Variants in PHLDB2 observed in about 807,000 individuals in gnomAD.
The protein encoded by PHLDB2 is pleckstrin homology-like domain family B member 2.
A neutral mutation model predicts 123.6 loss-of-function variants in PHLDB2; 71 were observed. The observed-to-expected ratio is 0.57, with a 90% CI of 0.47 to 0.70. PHLDB2 has a LOEUF of 0.70. PHLDB2 is among the 30% of genes least tolerant of loss of function. The pLI, the probability that PHLDB2 is intolerant of heterozygous loss-of-function variation, is 0.00. For synonymous variants in PHLDB2, 547 were observed against 541.6 expected (o/e 1.01, Z -0.14); for missense variants, 1,446 against 1,519.5 (o/e 0.95, Z 0.80).
chr3:111,766,429 G>C (rs1263914492), intron 1 of PHLDB2, among the ~76,000 whole-genome samples: 1 of 135,720 alleles, frequency 7.4e-6, no homozygotes, highest in Non-Finnish European at 1.5e-5. Context: ...GGGCGACAGA[G>C]TGAGACTCTG....
chr3:111,935,093 ATTTT>A (rs34291565), intron 6 of PHLDB2, among the ~76,000 whole-genome samples: 2 of 75,200 alleles, frequency 2.7e-5, no homozygotes, highest in African/African-American at 5.0e-5. Context: ...TGGTATCTTG[ATTTT>A]TTTTTTTTTT....
At chr3:111,828,382 T>C (rs2108453687) in intron 1 of PHLDB2, among the ~76,000 whole-genome samples, 1 of 152,372 alleles carries the variant, frequency 6.6e-6, no homozygotes, top group East Asian at 1.9e-4. Context: ...TATCTGTCAA[T>C]GGATCATCTT....
chr3:111,972,431 T>G (rs2072262616), intron 16 of PHLDB2, among the ~76,000 whole-genome samples: 1 of 152,180 alleles, frequency 6.6e-6, no homozygotes, highest in Non-Finnish European at 1.5e-5. Flanking sequence ...TAGCTTTTTG[T>G]AGTTAAAAAG....
At chr3:111,814,077 A>G (rs1462181077) in intron 1 of PHLDB2, among the ~76,000 whole-genome samples, 1 of 152,216 alleles carries the variant, frequency 6.6e-6, no homozygotes, top group Non-Finnish European at 1.5e-5. Flanking sequence ...CTGTAAGGAC[A>G]TGGTCCAAAA....
intron 16 of PHLDB2, among the ~76,000 whole-genome samples, chr3:111,972,678 G>T (rs1054600405): frequency 6.6e-6 from 1 of 151,552 alleles, no homozygotes; most frequent in Non-Finnish European, 1.5e-5. Flanking sequence ...TATTTCAAGG[G>T]TTTTTTCCTT....
At chr3:111,938,344 C>T (rs555965969) in intron 6 of PHLDB2, among the ~76,000 whole-genome samples, 1 of 152,230 alleles carries the variant, frequency 6.6e-6, no homozygotes, top group Non-Finnish European at 1.5e-5. Flanking sequence ...GTTACAATTG[C>T]TAAACCTCCA....
At chr3:111,887,601 T>C (rs79327038) in intron 2 of PHLDB2, among the ~76,000 whole-genome samples, 1 of 152,270 alleles carries the variant, frequency 6.6e-6, no homozygotes, top group African/African-American at 2.4e-5. Context: ...GCAGTATGAA[T>C]GCCAAAGGGT....
chr3:111,797,068 T>C (rs1188465898), intron 1 of PHLDB2, among the ~76,000 whole-genome samples: 3 of 152,226 alleles, frequency 2.0e-5, no homozygotes, highest in Non-Finnish European at 4.4e-5. Flanking sequence ...CTTCTGGTCA[T>C]GCCTCATGTC....
intron 5 of PHLDB2, among the ~76,000 whole-genome samples, chr3:111,930,670 A>G (rs1188641895): frequency 6.6e-6 from 1 of 152,234 alleles, no homozygotes; most frequent in African/African-American, 2.4e-5. Flanking sequence ...TATTCAGTTT[A>G]ACTATGGATT....
Position 111,885,072 on chromosome 3 carries a change from C to T in PHLDB2, c.995C>T (p.Pro332Leu), listed in dbSNP as rs751125365. The change falls in exon 2 of 18, where the codon CCT (proline) becomes CTT (leucine). Residue 332 changes from proline (P) to leucine (L), a missense_variant. Transcript: ENST00000431670. ...TATGTAAGTTCTACCCTCAGTGTCCCTGCCAGTCCACGAGTGGCTCGGAAG... is the reference window on the plus strand; with the variant it reads ...TATGTAAGTTCTACCCTCAGTGTCCTTGCCAGTCCACGAGTGGCTCGGAAG... ...NPYVSSTLSV[P>L]ASPRVARKML... The T allele has an allele frequency of 6.2e-7, 1 of 1,614,196 alleles. No individual in the cohort carries two copies. Among genetic ancestry groups the T allele is most frequent in the Non-Finnish European group, 8.5e-7 (1 of 1,180,032 alleles).
At chr3:111,959,235 A>G (rs1258526454) in intron 12 of PHLDB2, among the ~76,000 whole-genome samples, 3 of 152,256 alleles carry the variant, frequency 2.0e-5, no homozygotes, top group Non-Finnish European at 2.9e-5. Context: ...CAATTGCAGG[A>G]TCACAGGAGA....
intron 1 of PHLDB2, among the ~76,000 whole-genome samples, chr3:111,874,334 T>C (rs911046724): frequency 6.6e-6 from 1 of 152,214 alleles, no homozygotes; most frequent in Admixed American, 6.5e-5. Flanking sequence ...AATGTGTTTT[T>C]CCCTTTGTAC....
chr3:111,737,351 G>C (rs773293814), intron 1 of PHLDB2, among the ~76,000 whole-genome samples: 2 of 152,060 alleles, frequency 1.3e-5, no homozygotes, highest in African/African-American at 2.4e-5. Flanking sequence ...CATACTTTTT[G>C]GTCCCCATTT....
chr3:111,867,874 G>A (rs2065158656), intron 1 of PHLDB2, among the ~76,000 whole-genome samples: 1 of 150,294 alleles, frequency 6.7e-6, no homozygotes, highest in Admixed American at 6.6e-5. Flanking sequence ...GCTAATTTTT[G>A]TATATTTTGT....
intron 10 of PHLDB2, chr3:111,949,633 A>G: frequency 2.5e-6 from 2 of 811,258 alleles, no homozygotes; most frequent in Non-Finnish European, 3.0e-6. Context: ...CAAACTATCA[A>G]TTTCATTTCT....
At chr3:111,910,744 T>C (rs1453016769) in intron 2 of PHLDB2, among the ~76,000 whole-genome samples, 1 of 152,208 alleles carries the variant, frequency 6.6e-6, no homozygotes, top group East Asian at 1.9e-4. Flanking sequence ...TGACAGTAAT[T>C]TCTGTTCAGA....
intron 2 of PHLDB2, among the ~76,000 whole-genome samples, chr3:111,847,519 G>A (rs551903084): frequency 2.0e-5 from 3 of 152,104 alleles, no homozygotes; most frequent in Non-Finnish European, 4.4e-5. Context: ...TGCCATAAGT[G>A]GAAGCTTTAA....
intron 1 of PHLDB2, among the ~76,000 whole-genome samples, chr3:111,746,177 G>A (rs1249609036): frequency 1.3e-5 from 2 of 152,166 alleles, no homozygotes; most frequent in South Asian, 2.1e-4. Flanking sequence ...TGGACTGAGC[G>A]AGTCAGTGAC....
At chr3:111,806,458 C>T (rs894842394) in intron 1 of PHLDB2, among the ~76,000 whole-genome samples, 1 of 151,684 alleles carries the variant, frequency 6.6e-6, no homozygotes, top group African/African-American at 2.4e-5. Flanking sequence ...TTCTTGCCTT[C>T]TTGAATCTTT....
Sources: allele counts gnomAD v4.1 joint callset (sites outside exome capture counted in the v4.1 genomes callset), GRCh38; gene constraint gnomAD v4.1.1; transcripts MANE v1.5; gene names NCBI Gene and HGNC (gene_info 2026-07-23, HGNC 2026-07-21).